The following CERS1 variants were observed in gnomAD, a reference collection of about 807,000 sequenced individuals.
The protein encoded by CERS1 is Embryonic growth/differentiation factor 1.
A neutral mutation model predicts 35.7 loss-of-function variants in CERS1; 16 were observed. The observed-to-expected ratio is 0.45, with a 90% confidence interval of 0.30 to 0.68. The LOEUF is 0.68. Among genes scored for constraint, CERS1 ranks in the 30% least tolerant of loss-of-function variants. The probability of loss-of-function intolerance (pLI) is 0.08; values close to 1 mark genes in which losing one functional copy is unlikely to be tolerated. For synonymous variants in CERS1, 243 were observed against 201.6 expected (o/e 1.21, Z -1.74); for missense variants, 454 against 453.9 (o/e 1.00, Z 0.00).
Position 18,868,610 on chromosome 19 carries a change from C to G in CERS1, c.*1375G>C. ...GCCCGCCCCGGGTTAGCGGCAGCCGCACTCGTCCACCACCATGTCCTCATA... is the reference window on the plus strand; with the variant it reads ...GCCCGCCCCGGGTTAGCGGCAGCCGGACTCGTCCACCACCATGTCCTCATA... On this transcript the variant is annotated 3_prime_UTR_variant, in exon 8 of 8. Transcript: ENST00000623882. 1.9e-6 allele frequency: 3 copies of G among 1,561,800 alleles called. No individual in the cohort carries two copies. The highest frequency in any genetic ancestry group is 2.6e-6 in the Non-Finnish European group (3 of 1,153,124).
chr19:18,890,420 C>T (rs1026310441), intron 2 of CERS1, among the ~76,000 whole-genome samples: 1 of 152,242 alleles, frequency 6.6e-6, no homozygotes, highest in African/African-American at 2.4e-5. Flanking sequence ...TCAGCTGTGG[C>T]ATACAGTAGT....
At chr19:18,869,533 G>C in intron 7 of CERS1, 143 bp from the exon 8 acceptor site, 2 of 926,088 alleles carry the variant, frequency 2.2e-6, no homozygotes, top group Non-Finnish European at 2.9e-6. Context: ...GGGGTGGGCT[G>C]ATGGAGTGGG....
chr19:18,884,842 T>C (rs1255098050), intron 2 of CERS1, among the ~76,000 whole-genome samples: 1 of 149,518 alleles, frequency 6.7e-6, no homozygotes, highest in Non-Finnish European at 1.5e-5. Context: ...GCCTCCAGAG[T>C]AGCTGGGATT....
chr19:18,868,588 C>T lies in CERS1; in HGVS notation c.*1397G>A, dbSNP rs762241650. Reference sequence around the variant, plus strand: ...TTATTGTTGGGCCCGCGTCCCTGCCCGCCCCGGGTTAGCGGCAGCCGCACT... The same window carrying T: ...TTATTGTTGGGCCCGCGTCCCTGCCTGCCCCGGGTTAGCGGCAGCCGCACT... On this transcript the variant is annotated 3_prime_UTR_variant, in exon 8 of 8. Coordinates refer to ENST00000623882, the MANE Select transcript of CERS1 (RefSeq NM_021267.5). 25 of 1,548,480 alleles carry T rather than the reference C, an allele frequency of 1.6e-5. No homozygotes were observed. The South Asian group carries it at 2.4e-4, about 15-fold the overall frequency.
intron 3 of CERS1, among the ~76,000 whole-genome samples, 199 bp downstream of exon 3, chr19:18,883,887 CG>C (rs2056278852): frequency 6.6e-6 from 1 of 152,188 alleles, no homozygotes; most frequent in African/African-American, 2.4e-5. Flanking sequence ...CAGGAATCTC[CG>C]GGCCCACATC....
chr19:18,884,200 A>AT lies in CERS1; in HGVS notation c.476dup (p.Tyr159Ter). ...ATAGCGTAGCGTAGATGGAGTGGCC[A>AT]TAGAAGCTTCCCTGGAGCAGGTAGG... ...AAAYLLQGSF[Y>*]GHSIYATLYM... Residue 159 changes from tyrosine to a stop codon, truncating the protein, a stop_gained and frameshift_variant, in exon 3 of 8, where the codon TAT becomes TAAT. Coordinates refer to ENST00000623882, the MANE Select transcript of CERS1 (RefSeq NM_021267.5). LOFTEE classifies it high-confidence loss of function. 1 of 1,613,594 alleles carries AT rather than the reference A, an allele frequency of 6.2e-7. No homozygotes were observed. Among genetic ancestry groups the AT allele is most frequent in the South Asian group, 1.1e-5 (1 of 91,052 alleles).
Position 18,878,064 on chromosome 19 carries a change from C to CA in CERS1, c.1010+865dup. On this transcript the variant is annotated intron_variant, in intron 6 of 7. Coordinates refer to ENST00000623882, the MANE Select transcript of CERS1 (RefSeq NM_021267.5). The surrounding 1 kb of genome is among the most constrained non-coding windows in gnomAD (Gnocchi z 4.6). The stretch of plus-strand genomic sequence containing the variant: ...TGTCTGCATCTCGCACCTCCCGTTC[C>CA]AAAAAACGTCACGGAGCTCTGAGCC... 2.0e-6 allele frequency: 2 copies of CA among 985,410 alleles called. No individual in the cohort carries two copies. Among genetic ancestry groups the CA allele is most frequent in the South Asian group, 4.7e-5 (1 of 21,274 alleles). The allele number at this position is 985,410 out of a possible 1,614,324, so 61.0% of individuals were successfully genotyped here.
chr19:18,869,911 G>C, intron 7 of CERS1, 72 bp downstream of exon 7: 20 of 1,452,156 alleles, frequency 1.4e-5, no homozygotes, highest in Non-Finnish European at 1.9e-5. Flanking sequence ...GGGCATCCCC[G>C]GGCCACTCTC....
At position 18,868,891 on chromosome 19, in the gene CERS1, G is replaced by A; in HGVS notation, c.*1094C>T. The A allele has an allele frequency of 7.0e-7, 1 of 1,421,650 alleles. No homozygotes were observed. The allele number at this position is 1,421,650 out of a possible 1,614,324, so 88.1% of individuals were successfully genotyped here. On this transcript the variant is annotated 3_prime_UTR_variant, in exon 8 of 8. Coordinates refer to ENST00000623882, the MANE Select transcript of CERS1 (RefSeq NM_021267.5). ...AGCGGTGCCAGCCCACCTCGCGGAA[G>A]CTCACGTACAGCCGCCGCGCGCGAC...
At chr19:18,869,526 G>A (rs1441413863) in intron 7 of CERS1, 136 bp from the exon 8 acceptor site, 3 of 1,208,960 alleles carry the variant, frequency 2.5e-6, no homozygotes, top group Non-Finnish European at 2.2e-6. Context: ...AAGCGGCGGG[G>A]TGGGCTGATG....
intron 6 of CERS1, among the ~76,000 whole-genome samples, chr19:18,872,137 C>T (rs2055981444): frequency 6.6e-6 from 1 of 152,248 alleles, no homozygotes. Flanking sequence ...ATAGATTCCT[C>T]TAATGGTAAA....
chr19:18,875,587 GTA>G (rs1277268322), intron 6 of CERS1, among the ~76,000 whole-genome samples: 48 of 152,060 alleles, frequency 3.2e-4, no homozygotes, highest in African/African-American at 1.2e-3. Context: ...TGTTAAAACG[GTA>G]ATCCACCTGG....
At position 18,870,934 on chromosome 19, in the gene CERS1, G is replaced by T. The variant is rs569888260; in HGVS notation, c.1011-315C>A. 6.6e-6 allele frequency among the ~76,000 whole-genome samples: 1 copy of T among 151,966 alleles called. No individual in the cohort carries two copies. Among genetic ancestry groups the T allele is most frequent in the African/African-American group, 2.4e-5 (1 of 41,342 alleles). On this transcript the variant is annotated intron_variant, in intron 6 of 7. Transcript: ENST00000623882. The surrounding 1 kb of genome is among the most constrained non-coding windows in gnomAD (Gnocchi z 5.1). ...CAGGCCGCTGGAGGGCAAAACCCAC[G>T]TACCGGCCTGGGCCTGACAACTCCA...
intron 4 of CERS1, 129 bp from the exon 5 acceptor site, chr19:18,879,517 C>G: frequency 8.9e-7 from 1 of 1,126,744 alleles, no homozygotes; most frequent in African/African-American, 1.6e-5. Context: ...CCACCTGTTT[C>G]TACTACTGCT....
intron 3 of CERS1, among the ~76,000 whole-genome samples, chr19:18,880,689 GAGCTCCCTGGA>G (rs1432364556): frequency 6.6e-6 from 1 of 151,674 alleles, no homozygotes; most frequent in Non-Finnish European, 1.5e-5. Flanking sequence ...GTGGCCCAGG[GAGCTCCCTGGA>G]AGTTTATTTT....
rs2055915378 is a variant in CERS1 at position 18,869,280 on chromosome 19, G to A, written c.*705C>T. The stretch of plus-strand genomic sequence containing the variant: ...GCCGCCGCGAAACGCAGCTCCAGGC[G>A]GGCCCGGCTCGGGCGCTCAGCGGGT... On this transcript the variant is annotated 3_prime_UTR_variant, in exon 8 of 8. Coordinates refer to ENST00000623882, the MANE Select transcript of CERS1 (RefSeq NM_021267.5). The A allele has an allele frequency of 3.3e-6, 5 of 1,497,662 alleles. No individual in the cohort carries two copies. Among genetic ancestry groups the A allele is most frequent in the Admixed American group, 2.2e-5 (1 of 46,508 alleles). The allele number at this position is 1,497,662 out of a possible 1,614,324, so 92.8% of individuals were successfully genotyped here.
At chr19:18,882,313 G>T (rs2056231187) in intron 3 of CERS1, among the ~76,000 whole-genome samples, 1 of 152,102 alleles carries the variant, frequency 6.6e-6, no homozygotes, top group Admixed American at 6.6e-5. Context: ...TGTGGCTGAG[G>T]AATGGAATAG....
intron 6 of CERS1, among the ~76,000 whole-genome samples, chr19:18,877,318 C>T (rs1038768287): frequency 1.1e-4 from 16 of 152,308 alleles, no homozygotes; most frequent in African/African-American, 3.6e-4. Flanking sequence ...TCTGCACCTC[C>T]GAGGATGTCC....
chr19:18,884,944 G>A (rs1265368901), intron 2 of CERS1, among the ~76,000 whole-genome samples: 1 of 146,988 alleles, frequency 6.8e-6, no homozygotes, highest in Non-Finnish European at 1.5e-5. Context: ...TTGAACTCCT[G>A]ATCTCAGGTG....
Sources: allele counts gnomAD v4.1 joint callset (sites outside exome capture counted in the v4.1 genomes callset), GRCh38; gene constraint gnomAD v4.1.1; non-coding constraint Gnocchi (gnomAD v3.1); transcripts MANE v1.5; gene names NCBI Gene and HGNC (gene_info 2026-07-23, HGNC 2026-07-21).